Variants in CADM2 observed in about 807,000 individuals in gnomAD.
CADM2 encodes the protein cell adhesion molecule 2, also known as immunoglobulin superfamily member 4D.
In CADM2, 12 loss-of-function variants were observed where a neutral mutation model predicts 49.8. The ratio of observed to expected loss-of-function variants is 0.24; its 90% CI spans 0.15 to 0.39. The LOEUF (loss-of-function observed/expected upper bound fraction) is 0.39. Among genes scored for constraint, CADM2 ranks in the 10% least tolerant of loss-of-function variants. The pLI is 1.00. For missense variants in CADM2, 378 were observed against 492.3 expected (o/e 0.77, Z 2.20); for synonymous variants, 214 against 175.4 (o/e 1.22, Z -1.74).
intron 1 of CADM2, among the ~76,000 whole-genome samples, chr3:85,316,022 C>T (rs192969438): frequency 6.6e-6 from 1 of 152,232 alleles, no homozygotes; most frequent in African/African-American, 2.4e-5. Context: ...AAATAAATTA[C>T]ATGACATTAA....
At chr3:85,723,646 A>C (rs1434736551) in intron 1 of CADM2, among the ~76,000 whole-genome samples, 4 of 152,104 alleles carry the variant, frequency 2.6e-5, no homozygotes, top group African/African-American at 9.6e-5. Flanking sequence ...CCTGCCCAAC[A>C]ATCAAAGGAT....
intron 6 of CADM2, among the ~76,000 whole-genome samples, chr3:85,923,862 T>TTA (rs1719477365): frequency 1.3e-5 from 2 of 152,352 alleles, no homozygotes; most frequent in Non-Finnish European, 1.5e-5. Context: ...TACTTAATCA[T>TTA]AATTGAATTA....
intron 1 of CADM2, among the ~76,000 whole-genome samples, chr3:85,214,234 T>G (rs918291932): frequency 4.6e-5 from 7 of 152,058 alleles, no homozygotes; most frequent in African/African-American, 1.7e-4. Flanking sequence ...TATGGATGAA[T>G]TCCATGGATT....
chr3:84,983,361 G>GTTT (rs199926849), intron 1 of CADM2, among the ~76,000 whole-genome samples: 2 of 142,328 alleles, frequency 1.4e-5, no homozygotes, highest in African/African-American at 5.1e-5. Flanking sequence ...GTCTATATCT[G>GTTT]TTTTTTTTTT....
chr3:85,781,068 C>G (rs900697476), intron 2 of CADM2, among the ~76,000 whole-genome samples: 2 of 152,142 alleles, frequency 1.3e-5, no homozygotes, highest in African/African-American at 4.8e-5. Flanking sequence ...ACTGTAGATG[C>G]ATTAAGAAGC....
intron 1 of CADM2, among the ~76,000 whole-genome samples, chr3:85,543,427 T>TGGGGGTGTGTGTGTGTGTGGGTGTGTGG (rs1553739554): frequency 5.6e-5 from 3 of 53,316 alleles, no homozygotes; most frequent in East Asian, 1.7e-3. Context: ...CTAATGTGTG[T>TGGGGGTGTGTGTGTGTGTGGGTGTGTGG]GTGTGTGTGT....
chr3:85,516,796 A>C (rs2060913685), intron 1 of CADM2, among the ~76,000 whole-genome samples: 3 of 152,082 alleles, frequency 2.0e-5, no homozygotes, highest in Admixed American at 6.6e-5. Context: ...TCATACTTCC[A>C]AAATTGTACC....
At chr3:84,978,118 A>C (rs1465525333) in intron 1 of CADM2, among the ~76,000 whole-genome samples, 1 of 152,132 alleles carries the variant, frequency 6.6e-6, no homozygotes, top group Non-Finnish European at 1.5e-5. Context: ...AATTAATATA[A>C]ATGTGCTAAT....
chr3:85,204,691 C>A lies in CADM2; in HGVS notation c.61+245023C>A, dbSNP rs150249468. Among the ~76,000 whole-genome samples, 6 of 152,210 alleles carry A rather than the reference C, an allele frequency of 3.9e-5. No homozygotes were observed. The East Asian group carries it at 9.6e-4, about 24-fold the overall frequency. The stretch of plus-strand genomic sequence containing the variant: ...TTTAACGTATATCTAGAATTTGATA[C>A]ACTAGTTAAATACCTGTGTTCTATG... On this transcript the variant is annotated intron_variant, in intron 1 of 9. Transcript: ENST00000383699.
intron 2 of CADM2, among the ~76,000 whole-genome samples, chr3:85,735,953 T>G (rs2068115259): frequency 6.6e-6 from 1 of 152,076 alleles, no homozygotes. Context: ...ACACTTTAGA[T>G]AAACTATCTG....
chr3:85,040,089 CCTA>C (rs977504146), intron 1 of CADM2, among the ~76,000 whole-genome samples: 108 of 152,158 alleles, frequency 7.1e-4, no homozygotes, highest in African/African-American at 2.6e-3. Flanking sequence ...GTATTCTGAG[CCTA>C]CTAATAAACC....
intron 1 of CADM2, among the ~76,000 whole-genome samples, chr3:85,646,589 A>G (rs758980802): frequency 3.9e-5 from 6 of 151,988 alleles, no homozygotes; most frequent in Non-Finnish European, 8.8e-5. Context: ...TTGCATTTTA[A>G]AACAGAACAC....
intron 3 of CADM2, among the ~76,000 whole-genome samples, chr3:85,861,190 G>A (rs1360204422): frequency 6.6e-6 from 1 of 152,160 alleles, no homozygotes; most frequent in African/African-American, 2.4e-5. Context: ...TCAGTTAGGA[G>A]TCTCAAAAAT....
intron 1 of CADM2, among the ~76,000 whole-genome samples, chr3:85,389,930 A>G (rs1399162273): frequency 6.6e-6 from 1 of 152,106 alleles, no homozygotes; most frequent in African/African-American, 2.4e-5. Flanking sequence ...GGGCAAGTAA[A>G]TGTTAAAAAT....
At chr3:85,395,816 T>C (rs1372273656) in intron 1 of CADM2, among the ~76,000 whole-genome samples, 1 of 151,782 alleles carries the variant, frequency 6.6e-6, no homozygotes, top group Non-Finnish European at 1.5e-5. Flanking sequence ...TTATGTCTAA[T>C]AGTTATTCAA....
intron 1 of CADM2, among the ~76,000 whole-genome samples, chr3:85,291,197 GATGAAATGA>G (rs1436834924): frequency 1.3e-5 from 2 of 152,074 alleles, no homozygotes; most frequent in Non-Finnish European, 2.9e-5. Flanking sequence ...AGCAATGGAA[GATGAAATGA>G]ATGAAATGAA....
intron 2 of CADM2, among the ~76,000 whole-genome samples, chr3:85,733,632 C>T (rs1439403626): frequency 6.6e-6 from 1 of 152,096 alleles, no homozygotes; most frequent in East Asian, 1.9e-4. Flanking sequence ...TAGGTTTGAG[C>T]TTCACTGTGC....
chr3:85,673,149 C>G (rs2065792645), intron 1 of CADM2, among the ~76,000 whole-genome samples: 1 of 152,160 alleles, frequency 6.6e-6, no homozygotes, highest in Non-Finnish European at 1.5e-5. Context: ...AAGTGTTCCA[C>G]AAACTCAGCC....
chr3:85,506,880 A>G (rs1429184564), intron 1 of CADM2, among the ~76,000 whole-genome samples: 1 of 152,226 alleles, frequency 6.6e-6, no homozygotes, highest in Non-Finnish European at 1.5e-5. Context: ...ACTACCAAAA[A>G]TACAGTGTTT....
Sources: gnomAD v4.1 joint callset for allele counts (sites outside exome capture counted in the v4.1 genomes callset) on GRCh38, gnomAD v4.1.1 for gene constraint, MANE v1.5 for transcripts, NCBI Gene and HGNC (gene_info 2026-07-23, HGNC 2026-07-21) for gene names.